Variants in BRINP1 observed in about 807,000 individuals in gnomAD.
The protein encoded by BRINP1 is BMP/retinoic acid-inducible neural-specific protein 1.
BRINP1 carries 17 observed loss-of-function variants against 72.9 expected under a neutral mutation model. That is an observed-to-expected ratio of 0.23 (90% CI 0.16 to 0.35). The LOEUF (loss-of-function observed/expected upper bound fraction) is 0.35. BRINP1 is among the 10% of genes least tolerant of loss of function. The pLI is 1.00. For missense variants in BRINP1, 850 were observed against 1,001.6 expected (o/e 0.85, Z 2.04); for synonymous variants, 418 against 378.5 (o/e 1.10, Z -1.21).
At chr9:119,343,567 C>T (rs146154882) in intron 1 of BRINP1, among the ~76,000 whole-genome samples, 7 of 152,290 alleles carry the variant, frequency 4.6e-5, no homozygotes, top group Non-Finnish European at 8.8e-5. Context: ...GTTCTTGTAT[C>T]TAGAAGCCCA....
chr9:119,319,293 G>A (rs1831160411), intron 1 of BRINP1, among the ~76,000 whole-genome samples: 1 of 152,242 alleles, frequency 6.6e-6, no homozygotes, highest in Non-Finnish European at 1.5e-5. Context: ...TTTGTTCTTA[G>A]GGCCTGTAAT....
chr9:119,368,860 C>T lies in BRINP1; in HGVS notation c.-51+196G>A, dbSNP rs1831723256. ...GCCACTCACTCAAACCCGCAATTAG[C>T]CCTTTGAGCCCCAGGCACAGGAACC... is the stretch of plus-strand genomic sequence containing the variant. On this transcript the variant is annotated intron_variant, in intron 1 of 7. Coordinates refer to ENST00000265922, the MANE Select transcript of BRINP1 (RefSeq NM_014618.3). This position sits in a 1 kb window ranked among gnomAD's most constrained non-coding sequence, Gnocchi z 4.7. Among the ~76,000 whole-genome samples the T allele has an allele frequency of 6.6e-6, 1 of 152,148 alleles. No individual in the cohort carries two copies. Among genetic ancestry groups the T allele is most frequent in the South Asian group, 2.1e-4 (1 of 4,822 alleles).
chr9:119,239,321 C>A (rs1830223698), intron 4 of BRINP1, among the ~76,000 whole-genome samples: 1 of 152,110 alleles, frequency 6.6e-6, no homozygotes, highest in Non-Finnish European at 1.5e-5. Context: ...AACAAGAAAA[C>A]GATGCCCATT....
At chr9:119,327,199 A>T (rs1831249583) in intron 1 of BRINP1, among the ~76,000 whole-genome samples, 1 of 152,236 alleles carries the variant, frequency 6.6e-6, no homozygotes, top group African/African-American at 2.4e-5. Context: ...CAGGTTTGTT[A>T]TATAGGTAAA....
chr9:119,310,355 A>G (rs1244203982), intron 2 of BRINP1, among the ~76,000 whole-genome samples: 1 of 152,208 alleles, frequency 6.6e-6, no homozygotes, highest in Non-Finnish European at 1.5e-5. Flanking sequence ...CATTTACGTC[A>G]TGCCCTCAAA....
At chr9:119,318,422 G>T (rs938100431) in intron 1 of BRINP1, among the ~76,000 whole-genome samples, 1 of 152,122 alleles carries the variant, frequency 6.6e-6, no homozygotes, top group Non-Finnish European at 1.5e-5. Flanking sequence ...ATCATGAGTC[G>T]CTACAAAAAT....
chr9:119,322,349 G>A (rs1196476915), intron 1 of BRINP1, among the ~76,000 whole-genome samples: 1 of 152,202 alleles, frequency 6.6e-6, no homozygotes, highest in East Asian at 1.9e-4. Flanking sequence ...CTGTGGCGTG[G>A]TGAGCACGTG....
At chr9:119,363,105 T>G (rs546963337) in intron 1 of BRINP1, among the ~76,000 whole-genome samples, 6 of 152,304 alleles carry the variant, frequency 3.9e-5, no homozygotes, top group Admixed American at 6.5e-5. Flanking sequence ...TGTTTGGTTT[T>G]GTTTTGTTTT....
intron 7 of BRINP1, among the ~76,000 whole-genome samples, chr9:119,182,411 A>G (rs1829567643): frequency 6.6e-6 from 1 of 152,220 alleles, no homozygotes; most frequent in Non-Finnish European, 1.5e-5. Context: ...CCTCTAGCTA[A>G]CAAGAGATTG....
intron 7 of BRINP1, among the ~76,000 whole-genome samples, chr9:119,169,150 C>T (rs552788432): frequency 3.0e-4 from 45 of 152,362 alleles, no homozygotes; most frequent in African/African-American, 8.9e-4. Context: ...ATAGGAACAG[C>T]TCCAGTCTAC....
intron 1 of BRINP1, among the ~76,000 whole-genome samples, chr9:119,354,173 G>T (rs758968691): frequency 6.6e-6 from 1 of 151,822 alleles, no homozygotes; most frequent in Non-Finnish European, 1.5e-5. Flanking sequence ...TAATATTCTG[G>T]TTTTTATGGA....
Position 119,169,483 on chromosome 9 carries a change from G to A in BRINP1, c.1146-1259C>T, listed in dbSNP as rs574197427. Among the ~76,000 whole-genome samples, 5 of 152,312 alleles carry A rather than the reference G, an allele frequency of 3.3e-5. No homozygotes were observed. In the East Asian group the frequency reaches 5.8e-4, roughly 18 times the overall value. On this transcript the variant is annotated intron_variant, in intron 7 of 7. Transcript: ENST00000265922. The stretch of plus-strand genomic sequence containing the variant: ...CCGCACCTGGCTCGGAGGGTCCTAC[G>A]CCCACAGAGTCTCGCTGATTGCTAG...
At chr9:119,342,964 T>A (rs958007287) in intron 1 of BRINP1, among the ~76,000 whole-genome samples, 1 of 152,220 alleles carries the variant, frequency 6.6e-6, no homozygotes, top group Non-Finnish European at 1.5e-5. Flanking sequence ...TCTCTTTGCC[T>A]CAGTTTATAG....
intron 2 of BRINP1, among the ~76,000 whole-genome samples, chr9:119,299,352 G>A (rs1830915853): frequency 1.3e-5 from 2 of 152,136 alleles, no homozygotes; most frequent in Non-Finnish European, 2.9e-5. Flanking sequence ...GGTGGCTCAT[G>A]CCTGTAATCC....
chr9:119,357,269 G>A (rs1831578483), intron 1 of BRINP1, among the ~76,000 whole-genome samples: 1 of 152,184 alleles, frequency 6.6e-6, no homozygotes, highest in Non-Finnish European at 1.5e-5. Flanking sequence ...GTGTGTGTGT[G>A]TATAAGTGAA....
intron 5 of BRINP1, among the ~76,000 whole-genome samples, chr9:119,231,600 C>T (rs542660929): frequency 6.6e-6 from 1 of 152,094 alleles, no homozygotes; most frequent in Non-Finnish European, 1.5e-5. Flanking sequence ...CCATTGAAAA[C>T]ATCCTTTGTC....
At chr9:119,360,491 T>C (rs1399794603) in intron 1 of BRINP1, among the ~76,000 whole-genome samples, 1 of 151,068 alleles carries the variant, frequency 6.6e-6, no homozygotes, top group Non-Finnish European at 1.5e-5. Context: ...CACAGCTCTC[T>C]GTTTGCTCTT....
In BRINP1 at chr9:119,313,288, G is replaced by T. The variant is rs1831087867; in HGVS notation, c.68C>A (p.Ser23Tyr). The T allele has an allele frequency of 1.2e-6, 2 of 1,614,138 alleles. No homozygotes were observed. Among genetic ancestry groups the T allele is most frequent in the Non-Finnish European group, 1.7e-6 (2 of 1,180,036 alleles). The change falls in exon 2 of 8, where the codon TCC (serine) becomes TAC (tyrosine). Residue 23 changes from serine (S) to tyrosine (Y), a missense_variant. By Grantham distance (144) the Ser-to-Tyr change is moderately radical. Transcript: ENST00000265922. The part of the protein sequence containing the change: ...FIWGRISVQP[S>Y]HQEPAGTDQH... ...GTCTGTCCCAGCTGGTTCCTGGTGG[G>T]AGGGCTGCACTGAGATACGGCCCCA... is the stretch of plus-strand genomic sequence containing the variant.
chr9:119,277,774 A>G (rs1303290447), intron 2 of BRINP1, among the ~76,000 whole-genome samples: 2 of 152,198 alleles, frequency 1.3e-5, no homozygotes, highest in African/African-American at 4.8e-5. Flanking sequence ...AGATGTAAAC[A>G]TATCTAGTAA....
Sources: allele counts gnomAD v4.1 joint callset (sites outside exome capture counted in the v4.1 genomes callset), GRCh38; gene constraint gnomAD v4.1.1; non-coding constraint Gnocchi (gnomAD v3.1); transcripts MANE v1.5; gene names NCBI Gene and HGNC (gene_info 2026-07-23, HGNC 2026-07-21).